Variants in ABCC8 observed in about 807,000 individuals in gnomAD.
ABCC8 encodes ATP binding cassette subfamily C member 8, also known as ATP-binding cassette sub-family C member 8.
A neutral mutation model predicts 188.0 loss-of-function variants in ABCC8; 137 were observed. That is an observed-to-expected ratio of 0.73 (90% CI 0.63 to 0.84). The LOEUF (loss-of-function observed/expected upper bound fraction) is 0.84, where lower values mean the gene tolerates loss of function less well. ABCC8 is among the 40% of genes least tolerant of loss of function. ABCC8 has a pLI of 0.00. For missense variants in ABCC8, 1,750 were observed against 2,072.7 expected (o/e 0.84, Z 3.02); for synonymous variants, 797 against 846.5 (o/e 0.94, Z 1.01).
chr11:17,416,420 A>T (rs1386762725), intron 17 of ABCC8, among the ~76,000 whole-genome samples: 3 of 152,022 alleles, frequency 2.0e-5, no homozygotes, highest in Non-Finnish European at 4.4e-5. Context: ...CTTTTCCATG[A>T]TCACCCCTAG....
chr11:17,471,916 A>G (rs1006357375), intron 2 of ABCC8, among the ~76,000 whole-genome samples: 2 of 152,242 alleles, frequency 1.3e-5, no homozygotes, highest in African/African-American at 2.4e-5. Context: ...AAACTAATAT[A>G]GAAGGTACAA....
intron 12 of ABCC8, 118 bp from the exon 13 acceptor site, chr11:17,428,788 A>G: frequency 6.5e-7 from 1 of 1,534,002 alleles, no homozygotes; most frequent in African/African-American, 1.4e-5. Flanking sequence ...AGTCCCACAA[A>G]GCCCACACTG....
At chr11:17,474,525 G>C (rs1848651676) in intron 2 of ABCC8, among the ~76,000 whole-genome samples, 1 of 146,770 alleles carries the variant, frequency 6.8e-6, no homozygotes, top group Non-Finnish European at 1.5e-5. Context: ...TCTTATGCAA[G>C]AGTGGGTGGC....
At chr11:17,419,535 T>C (rs771504840) in intron 16 of ABCC8, among the ~76,000 whole-genome samples, 63 of 152,226 alleles carry the variant, frequency 4.1e-4, no homozygotes, top group Non-Finnish European at 5.3e-4. Context: ...AACTGGAAGC[T>C]TCTGGGTGAT....
Position 17,427,056 on chromosome 11 carries a change from A to T in ABCC8, c.2215T>A (p.Trp739Arg). The part of the protein sequence containing the change: ...EMQKVSGAVF[W>R]SSLPDSEIGE... ...TGAGGATACATGTATTACCTGCTCC[A>T]GAAGACAGCCCCTGAGACCTTCTGC... The change falls in exon 16 of 39, where the codon TGG becomes AGG. Residue 739 changes from tryptophan (W) to arginine (R), a missense_variant. Coordinates refer to ENST00000389817, the MANE Select transcript of ABCC8 (RefSeq NM_000352.6). The surrounding 1 kb of genome is among the most constrained non-coding windows in gnomAD (Gnocchi z 5.0). 3.1e-6 allele frequency: 5 copies of T among 1,613,978 alleles called. No homozygotes were observed. The highest frequency in any genetic ancestry group is 4.2e-6 in the Non-Finnish European group (5 of 1,179,936).
chr11:17,398,240 C>T, intron 30 of ABCC8, 99 bp downstream of exon 30: 1 of 1,477,842 alleles, frequency 6.8e-7, no homozygotes, highest in Non-Finnish European at 9.3e-7. Flanking sequence ...TCCACACGAT[C>T]TGGTATCCTA....
chr11:17,438,925 G>A (rs1956208018), intron 10 of ABCC8, among the ~76,000 whole-genome samples: 1 of 152,228 alleles, frequency 6.6e-6, no homozygotes, highest in South Asian at 2.1e-4. Flanking sequence ...TTGTTATGAG[G>A]ATGAAGTGCA....
intron 26 of ABCC8, among the ~76,000 whole-genome samples, chr11:17,405,827 A>C (rs1479741712): frequency 6.6e-6 from 1 of 152,168 alleles, no homozygotes; most frequent in Non-Finnish European, 1.5e-5. Flanking sequence ...GGCCTGACTC[A>C]GCAGCTGTCC....
At chr11:17,398,638 A>G (rs1344090950) in intron 29 of ABCC8, 197 bp from the exon 30 acceptor site, 1 of 551,178 alleles carries the variant, frequency 1.8e-6, no homozygotes, top group Admixed American at 6.4e-5. Context: ...CAGAATCCCC[A>G]CCTCCTCCAA....
intron 29 of ABCC8, among the ~76,000 whole-genome samples, chr11:17,401,772 C>T (rs1954257754): frequency 1.3e-5 from 2 of 152,160 alleles, no homozygotes; most frequent in Admixed American, 1.3e-4. Context: ...GAAACAACAG[C>T]TTCCCTCATT....
chr11:17,424,226 A>AGCT (rs3033409), intron 16 of ABCC8, among the ~76,000 whole-genome samples: 1 of 151,654 alleles, frequency 6.6e-6, no homozygotes. Context: ...GGGGCTTAAA[A>AGCT]AGATGACAGG....
At chr11:17,403,537 A>G (rs1035249470) in intron 28 of ABCC8, among the ~76,000 whole-genome samples, 1 of 152,226 alleles carries the variant, frequency 6.6e-6, no homozygotes, top group Non-Finnish European at 1.5e-5. Flanking sequence ...AGCCATTTAT[A>G]CAAATGTTGA....
intron 32 of ABCC8, 53 bp downstream of exon 32, chr11:17,397,140 C>G (rs983409792): frequency 6.8e-6 from 11 of 1,613,312 alleles, no homozygotes; most frequent in Non-Finnish European, 9.3e-6. Flanking sequence ...GGCCCCCAAC[C>G]CAGACACACT....
chr11:17,406,298 C>T (rs1954517711), intron 26 of ABCC8: 3 of 365,362 alleles, frequency 8.2e-6, no homozygotes, highest in Non-Finnish European at 1.5e-5. Flanking sequence ...GGGAGCTGAA[C>T]TCATGGGTGG....
intron 2 of ABCC8, 137 bp from the exon 3 acceptor site, chr11:17,470,359 T>A: frequency 1.4e-6 from 2 of 1,436,140 alleles, no homozygotes; most frequent in Non-Finnish European, 1.9e-6. Flanking sequence ...CTTTAGTTAA[T>A]GGGCGTATTT....
chr11:17,403,930 T>C (rs989173204), intron 28 of ABCC8, among the ~76,000 whole-genome samples: 6 of 152,224 alleles, frequency 3.9e-5, no homozygotes, highest in African/African-American at 1.4e-4. Context: ...TATGAGTTTC[T>C]ATGAATCTGG....
chr11:17,437,386 T>C (rs1371911061), intron 10 of ABCC8, among the ~76,000 whole-genome samples: 4 of 152,242 alleles, frequency 2.6e-5, no homozygotes, highest in African/African-American at 4.8e-5. Flanking sequence ...TTCCAAAGCA[T>C]TGATACATGT....
At chr11:17,450,675 G>A (rs1001432093) in intron 7 of ABCC8, among the ~76,000 whole-genome samples, 1 of 118,016 alleles carries the variant, frequency 8.5e-6, no homozygotes, top group African/African-American at 3.1e-5. Context: ...GGGATTACAG[G>A]CATGAGCCAC....
chr11:17,396,896 G>A lies in ABCC8; in HGVS notation c.4119+20C>T. 6.2e-7 allele frequency: 1 copy of A among 1,613,238 alleles called. No homozygotes were observed. Among genetic ancestry groups the A allele is most frequent in the East Asian group, 2.2e-5 (1 of 44,878 alleles). ...TGCTCACGCCTGTCCTGCAGCATTG[G>A]GTTGGGCCCGTGCTCTGACCTTCTG... On this transcript the variant is annotated intron_variant, in intron 33 of 38. Transcript: ENST00000389817.
Sources: gnomAD v4.1 joint callset for allele counts (sites outside exome capture counted in the v4.1 genomes callset) on GRCh38, gnomAD v4.1.1 for gene constraint, Gnocchi (gnomAD v3.1) non-coding constraint, MANE v1.5 for transcripts, NCBI Gene and HGNC (gene_info 2026-07-23, HGNC 2026-07-21) for gene names.